The following ELP1 variants were observed in gnomAD, a reference collection of about 807,000 sequenced individuals.
ELP1 encodes the protein elongator acetyltransferase complex subunit 1.
In ELP1, 131 loss-of-function variants were observed where a neutral mutation model predicts 183.2. That is an observed-to-expected ratio of 0.72 (90% confidence interval 0.62 to 0.83). The LOEUF is 0.83. Among genes scored for constraint, ELP1 ranks in the 40% least tolerant of loss-of-function variants. The pLI, the probability that ELP1 is intolerant of heterozygous loss-of-function variation, is 0.00. For synonymous variants in ELP1, 555 were observed against 569.0 expected (o/e 0.98, Z 0.35); for missense variants, 1,550 against 1,594.9 (o/e 0.97, Z 0.48).
Position 108,869,009 on chromosome 9 carries a change from C to T in ELP1, c.*106G>A. 1.1e-6 allele frequency: 1 copy of T among 927,158 alleles called. No homozygotes were observed. The highest frequency in any genetic ancestry group is 1.3e-5 in the South Asian group (1 of 76,792). 57.4% of individuals were successfully genotyped at this position (927,158 alleles called of 1,614,324 possible). A position where few individuals can be genotyped will look rare whatever the true frequency, so the allele number is the denominator to read the frequency against. On this transcript the variant is annotated 3_prime_UTR_variant, in exon 37 of 37. Transcript: ENST00000374647. Reference sequence around the variant, plus strand: ...AATGCTAAGGTAAGTTATCATTTTACTCTTTCCAGTTCTCAATAGCCAGCC... The same window carrying T: ...AATGCTAAGGTAAGTTATCATTTTATTCTTTCCAGTTCTCAATAGCCAGCC...
In ELP1 at chr9:108,915,741, G is replaced by A. The variant is rs1441963665; in HGVS notation, c.958+463C>T. Reference sequence around the variant, plus strand: ...GAACAACACAGGCTTGAACTACACAGGTCCATTTATATTCGTATTTTTTTC... The same window carrying A: ...GAACAACACAGGCTTGAACTACACAAGTCCATTTATATTCGTATTTTTTTC... On this transcript the variant is annotated intron_variant, in intron 10 of 36. Transcript: ENST00000374647. Among the ~76,000 whole-genome samples, 5 of 145,636 alleles carry A rather than the reference G, an allele frequency of 3.4e-5. No homozygotes were observed. In the East Asian group the frequency reaches 1.1e-3, roughly 33 times the overall value.
chr9:108,895,830 C>T (rs919524092), intron 25 of ELP1, among the ~76,000 whole-genome samples: 5 of 152,188 alleles, frequency 3.3e-5, no homozygotes, highest in African/African-American at 1.2e-4. Flanking sequence ...GCCTTCTGTG[C>T]TCCATGTGCC....
Position 108,878,709 on chromosome 9 carries a change from T to C in ELP1, c.3614A>G (p.His1205Arg). 1 of 1,614,212 alleles carries C rather than the reference T, an allele frequency of 6.2e-7. No homozygotes were observed. The highest frequency in any genetic ancestry group is 8.5e-7 in the Non-Finnish European group (1 of 1,180,040). ...CAGCGGACTGCCTTCTTTGAGGCTGTGCTTCTTCCGCTCCGCTTTTCGGCG... is the reference window on the plus strand; with the variant it reads ...CAGCGGACTGCCTTCTTTGAGGCTGCGCTTCTTCCGCTCCGCTTTTCGGCG... ...KNRRKAERKK[H>R]SLKEGSPLED... Residue 1205 changes from histidine to arginine, a missense_variant, in exon 34 of 37, where the codon CAC becomes CGC. By Grantham distance (29) the His-to-Arg change is conservative. Transcript: ENST00000374647.
intron 13 of ELP1, among the ~76,000 whole-genome samples, chr9:108,907,037 G>T (rs1361733548): frequency 6.6e-6 from 1 of 152,106 alleles, no homozygotes; most frequent in Admixed American, 6.5e-5. Flanking sequence ...TGGCAAATCC[G>T]CAGCTCCCAC....
chr9:108,901,841 T>A (rs2275633), intron 16 of ELP1, among the ~76,000 whole-genome samples, 160 bp from the exon 17 acceptor site: 2 of 151,910 alleles, frequency 1.3e-5, no homozygotes, highest in Admixed American at 6.6e-5. Context: ...CAGTGCAAAA[T>A]GGAATGTGAA....
chr9:108,913,055 T>G (rs1408128161), intron 10 of ELP1, among the ~76,000 whole-genome samples: 1 of 152,130 alleles, frequency 6.6e-6, no homozygotes, highest in Non-Finnish European at 1.5e-5. Context: ...CCACCGTGCC[T>G]GGCCCACATG....
At chr9:108,916,760 G>A (rs953797873) in intron 9 of ELP1, among the ~76,000 whole-genome samples, 9 of 152,144 alleles carry the variant, frequency 5.9e-5, no homozygotes, top group Admixed American at 1.3e-4. Flanking sequence ...GTTGCGGACC[G>A]ATGAAAATAG....
Position 108,912,469 on chromosome 9 carries a change from A to T in ELP1, c.984T>A (p.Tyr328Ter). 1 of 1,613,958 alleles carries T rather than the reference A, an allele frequency of 6.2e-7. No individual in the cohort carries two copies. The highest frequency in any genetic ancestry group is 8.5e-7 in the Non-Finnish European group (1 of 1,179,902). ...ATAAACTTTGCTTGAGATACCAGTGATAGTTTCCAACAGTCCAGAGCTGAA... is the reference window on the plus strand; with the variant it reads ...ATAAACTTTGCTTGAGATACCAGTGTTAGTTTCCAACAGTCCAGAGCTGAA... ...TCVQLWTVGN[Y>*]HWYLKQSLSF... The change falls in exon 11 of 37, where the codon TAT (tyrosine) becomes TAA (stop). Residue 328 changes from tyrosine (Y) to a stop codon, truncating the protein, a stop_gained. Transcript: ENST00000374647. LOFTEE classifies it high-confidence loss of function.
chr9:108,915,662 G>A (rs1435109014), intron 10 of ELP1, among the ~76,000 whole-genome samples: 18 of 104,944 alleles, frequency 1.7e-4, no homozygotes, highest in East Asian at 5.5e-4. Flanking sequence ...TCTCCCTCCC[G>A]CCCCACCCTA....
intron 6 of ELP1, among the ~76,000 whole-genome samples, chr9:108,922,528 G>C (rs771957715): frequency 5.3e-5 from 8 of 152,342 alleles, no homozygotes; most frequent in Middle Eastern, 6.8e-3. Flanking sequence ...CTCTGGAGAG[G>C]AAGGGGAGGG....
intron 29 of ELP1, among the ~76,000 whole-genome samples, chr9:108,885,646 G>A (rs1339153188): frequency 6.6e-6 from 1 of 152,212 alleles, no homozygotes; most frequent in African/African-American, 2.4e-5. Context: ...TGGAGTAGCT[G>A]ATCAAAGCAA....
At chr9:108,887,493 G>A (rs1828169412) in intron 29 of ELP1, among the ~76,000 whole-genome samples, 1 of 152,194 alleles carries the variant, frequency 6.6e-6, no homozygotes, top group Admixed American at 6.5e-5. Flanking sequence ...AGTTTAGCAA[G>A]GTTGCAGGAT....
chr9:108,889,331 C>T lies in ELP1; in HGVS notation c.3222+1G>A. The T allele has an allele frequency of 1.2e-6, 2 of 1,613,860 alleles. No individual in the cohort carries two copies. ...GTTTAGAAGGGAGGAATTGAGTTTA[C>T]CTGGGCACACTCTTCCAAAACCATG... On this transcript the variant is annotated splice_donor_variant, in intron 29 of 36. Coordinates refer to ENST00000374647, the MANE Select transcript of ELP1 (RefSeq NM_003640.5). LOFTEE classifies it high-confidence loss of function.
At chr9:108,913,544 C>T (rs1361203629) in intron 10 of ELP1, among the ~76,000 whole-genome samples, 1 of 152,144 alleles carries the variant, frequency 6.6e-6, no homozygotes, top group East Asian at 1.9e-4. Flanking sequence ...ATAACCTAGT[C>T]TCAAACCGCA....
At chr9:108,879,335 A>G in intron 33 of ELP1, 111 bp downstream of exon 33, 3 of 795,164 alleles carry the variant, frequency 3.8e-6, no homozygotes, top group Non-Finnish European at 6.6e-6. Context: ...GCGCTGAAGA[A>G]TATTCTCCCC....
intron 25 of ELP1, among the ~76,000 whole-genome samples, chr9:108,894,951 C>T (rs1471108340): frequency 6.6e-6 from 1 of 152,090 alleles, no homozygotes; most frequent in Non-Finnish European, 1.5e-5. Flanking sequence ...GTAAGAACAA[C>T]ATAGGAAGAA....
Position 108,893,974 on chromosome 9 carries a change from A to C in ELP1, c.2829T>G (p.Tyr943Ter). ...RFTIDKYLKR[Y>*]EKAIGHLSKC... is the part of the protein sequence containing the mutation. Reference sequence around the variant, plus strand: ...TGCTGAGGTGGCCAATGGCTTTTTCATATCGTTTCAAGTATTTGTCTATAG... The same window carrying C: ...TGCTGAGGTGGCCAATGGCTTTTTCCTATCGTTTCAAGTATTTGTCTATAG... Residue 943 changes from tyrosine (Y) to a stop codon, truncating the protein, a stop_gained, in exon 26 of 37, where the codon TAT (tyrosine) becomes TAG (stop). Coordinates refer to ENST00000374647, the MANE Select transcript of ELP1 (RefSeq NM_003640.5). LOFTEE classifies it high-confidence loss of function. 6.2e-7 allele frequency: 1 copy of C among 1,613,558 alleles called. No homozygotes were observed. The highest frequency in any genetic ancestry group is 1.1e-5 in the South Asian group (1 of 91,076).
chr9:108,912,096 C>T (rs1249806889), intron 11 of ELP1, among the ~76,000 whole-genome samples, 168 bp downstream of exon 11: 1 of 152,104 alleles, frequency 6.6e-6, no homozygotes, highest in African/African-American at 2.4e-5. Flanking sequence ...GACAATGGTT[C>T]TCAGGAGAGA....
intron 12 of ELP1, 38 bp from the exon 13 acceptor site, chr9:108,908,442 A>G (rs1341638886): frequency 2.0e-6 from 3 of 1,473,822 alleles, no homozygotes; most frequent in Non-Finnish European, 1.9e-6. Flanking sequence ...ATCGTAAATT[A>G]TAAGATTTCA....
Sources: gnomAD v4.1 joint callset for allele counts (sites outside exome capture counted in the v4.1 genomes callset) on GRCh38, gnomAD v4.1.1 for gene constraint, MANE v1.5 for transcripts, NCBI Gene and HGNC (gene_info 2026-07-23, HGNC 2026-07-21) for gene names.